The following DENND3 variants were observed in gnomAD, a reference collection of about 807,000 sequenced individuals.
DENND3 encodes DENN domain containing 3, also known as DENN domain-containing protein 3.
In DENND3, 88 loss-of-function variants were observed where a neutral mutation model predicts 135.1. The ratio of observed to expected loss-of-function variants is 0.65; its 90% CI spans 0.55 to 0.78. The LOEUF is 0.78. Ranked by LOEUF, DENND3 falls within the 30% of genes least tolerant of loss-of-function variation. The pLI is 0.00. For synonymous variants in DENND3, 693 were observed against 712.3 expected, an observed-to-expected ratio of 0.97 and a Z score of 0.43; for missense variants, 1,392 against 1,688.4, an observed-to-expected ratio of 0.82 and a Z score of 3.08.
chr8:141,152,545 A>G (rs1439808684), intron 7 of DENND3, among the ~76,000 whole-genome samples: 2 of 152,150 alleles, frequency 1.3e-5, no homozygotes, highest in South Asian at 2.1e-4. Context: ...TCCACGTGGT[A>G]GCATCTCTCA....
Position 141,168,636 on chromosome 8 carries a change from C to A in DENND3, c.2275+111C>A. Reference sequence around the variant, plus strand: ...TCACAGCTCACTGCAACCTCCACCTCCTGGGCTCAAGCAGTCCTCCCACCT... The same window carrying A: ...TCACAGCTCACTGCAACCTCCACCTACTGGGCTCAAGCAGTCCTCCCACCT... On this transcript the variant is annotated intron_variant, in intron 13 of 22. Transcript: ENST00000519811. This position sits in a 1 kb window ranked among gnomAD's most constrained non-coding sequence, Gnocchi z 6.2. 1 of 1,371,332 alleles carries A rather than the reference C, an allele frequency of 7.3e-7. No individual in the cohort carries two copies. Among genetic ancestry groups the A allele is most frequent in the Non-Finnish European group, 9.8e-7 (1 of 1,023,596 alleles). 84.9% of individuals were successfully genotyped at this position (1,371,332 alleles called of 1,614,324 possible). A position where few individuals can be genotyped will look rare whatever the true frequency, so the allele number is the denominator to read the frequency against.
intron 5 of DENND3, among the ~76,000 whole-genome samples, chr8:141,148,793 T>C (rs1382113239): frequency 6.6e-6 from 1 of 152,218 alleles, no homozygotes; most frequent in Non-Finnish European, 1.5e-5. Flanking sequence ...ATTTGTTTTT[T>C]GAAATATTGA....
At position 141,160,715 on chromosome 8, in the gene DENND3, G is replaced by A. The variant is rs767758201; in HGVS notation, c.1280G>A (p.Arg427Gln). The A allele has an allele frequency of 1.1e-5, 18 of 1,613,092 alleles. No individual in the cohort carries two copies. The highest frequency in any genetic ancestry group is 1.7e-4 in the Middle Eastern group (1 of 6,042). The change falls in exon 9 of 23, where the codon CGG (arginine) becomes CAG (glutamine). Residue 427 changes from arginine to glutamine, a missense_variant. Coordinates refer to ENST00000519811, the MANE Select transcript of DENND3 (RefSeq NM_001352890.3). ...STDLKEGRAH[R>Q]RSWQQKLNCQ... ...GACCTGAAGGAGGGCCGAGCCCACCGGCGGTCCTGGCAGCAGAAACTCAAC... is the reference window on the plus strand; with the variant it reads ...GACCTGAAGGAGGGCCGAGCCCACCAGCGGTCCTGGCAGCAGAAACTCAAC...
intron 15 of DENND3, 32 bp from the exon 16 acceptor site, chr8:141,178,035 G>T: frequency 6.3e-7 from 1 of 1,581,798 alleles, no homozygotes. Context: ...AGTGATTCTT[G>T]CTGTTTTGAA....
intron 5 of DENND3, among the ~76,000 whole-genome samples, chr8:141,145,868 A>G (rs1303624037): frequency 1.1e-5 from 1 of 87,662 alleles, no homozygotes; most frequent in African/African-American, 4.4e-5. Flanking sequence ...TTTTTTTTTG[A>G]GGCGGAGTCT....
chr8:141,157,988 G>A (rs933446718), intron 8 of DENND3: 2 of 1,103,630 alleles, frequency 1.8e-6, no homozygotes, highest in African/African-American at 3.3e-5. Context: ...TCGAACTCCT[G>A]ACCTCAGGTG....
intron 10 of DENND3, among the ~76,000 whole-genome samples, chr8:141,164,599 C>T (rs554575519): frequency 6.6e-6 from 1 of 152,342 alleles, no homozygotes; most frequent in East Asian, 1.9e-4. Flanking sequence ...TTGCTTACAG[C>T]TTCCCAGTCG....
At chr8:141,190,204 G>T in intron 19 of DENND3, 80 bp from the exon 20 acceptor site, 2 of 1,435,052 alleles carry the variant, frequency 1.4e-6, no homozygotes, top group East Asian at 2.6e-5. Flanking sequence ...ATGGCGACTT[G>T]GTTCTCTCTT....
chr8:141,172,237 G>C (rs1821711180), intron 13 of DENND3, among the ~76,000 whole-genome samples: 3 of 151,832 alleles, frequency 2.0e-5, no homozygotes, highest in Admixed American at 2.0e-4. Flanking sequence ...GGTGTGCACA[G>C]TGTCTGTGGG....
At chr8:141,161,835 CTG>C (rs1206376202) in intron 9 of DENND3, among the ~76,000 whole-genome samples, 1 of 141,560 alleles carries the variant, frequency 7.1e-6, no homozygotes, top group Non-Finnish European at 1.5e-5. Context: ...GAGTCTCACT[CTG>C]TCACCCAGCC....
At chr8:141,177,622 C>T (rs1822559474) in intron 15 of DENND3, 1 of 153,242 alleles carries the variant, frequency 6.5e-6, no homozygotes, top group African/African-American at 2.4e-5. Context: ...TTAGACTAGC[C>T]ATCTGATGCT....
intron 13 of DENND3, among the ~76,000 whole-genome samples, chr8:141,170,766 T>A (rs192085142): frequency 3.3e-5 from 5 of 152,324 alleles, no homozygotes; most frequent in African/African-American, 1.2e-4. Context: ...GTCTCTCACA[T>A]GACAGGAGTC....
rs923741540 is a variant in DENND3 at position 141,141,394 on chromosome 8, G to A, written c.623+70G>A. The A allele has an allele frequency of 6.4e-6, 10 of 1,562,504 alleles. No homozygotes were observed. The highest frequency in any genetic ancestry group is 1.7e-5 in the Admixed American group (1 of 58,624). The stretch of plus-strand genomic sequence containing the variant: ...TTGTGCCTCTCCAGGTGAGCCAAGG[G>A]ACCAGGGGGCTGGAGGTGGTGGGGG... On this transcript the variant is annotated intron_variant, in intron 4 of 22. Coordinates refer to ENST00000519811, the MANE Select transcript of DENND3 (RefSeq NM_001352890.3). The surrounding 1 kb of genome is among the most constrained non-coding windows in gnomAD (Gnocchi z 5.3).
rs145447995 is a variant in DENND3, at chr8:141,163,414, T to C, written c.1434T>C (p.His478=). 221 of 1,611,810 alleles carry C rather than the reference T, an allele frequency of 1.4e-4. No individual in the cohort carries two copies. In the African/African-American group the frequency reaches 2.6e-3, roughly 19 times the overall value. ...TCAAAACCAGGGCTCCAGGGGACCA[T>C]CAGTTTTATAAGCAGGTGAGAGCTG... is the stretch of plus-strand genomic sequence containing the variant. ...EFLKTRAPGD[H]QFYKQVLDTY... The change falls in exon 10 of 23, where the codon CAT becomes CAC. Residue 478 remains histidine (H), a synonymous_variant. Transcript: ENST00000519811.
chr8:141,130,102 G>A lies in DENND3; in HGVS notation c.102+1293G>A, dbSNP rs998334134. The A allele has an allele frequency of 6.6e-6, 1 of 152,192 alleles. No homozygotes were observed. Among genetic ancestry groups the A allele is most frequent in the Non-Finnish European group, 1.5e-5 (1 of 68,036 alleles). The allele number at this position is 152,192 out of a possible 1,614,324, so 9.4% of individuals were successfully genotyped here. A position where few individuals can be genotyped will look rare whatever the true frequency, so the allele number is the denominator to read the frequency against. The stretch of plus-strand genomic sequence containing the variant: ...AGTTGCCGCTGTGGTCTCCTCAGCC[G>A]TTGAACGTCTTTCCTCTGGGGCAGT... On this transcript the variant is annotated intron_variant, in intron 1 of 22. Coordinates refer to ENST00000519811, the MANE Select transcript of DENND3 (RefSeq NM_001352890.3). This position sits in a 1 kb window ranked among gnomAD's most constrained non-coding sequence, Gnocchi z 4.2.
intron 16 of DENND3, 51 bp downstream of exon 16, chr8:141,178,247 A>C: frequency 6.4e-7 from 1 of 1,572,482 alleles, no homozygotes; most frequent in Non-Finnish European, 8.7e-7. Flanking sequence ...TACACGCCTT[A>C]AGTGATTTTA....
Position 141,165,287 on chromosome 8 carries a change from C to G in DENND3, c.1551C>G (p.Asp517Glu), listed in dbSNP as rs1213706083. The G allele has an allele frequency of 6.2e-7, 1 of 1,613,286 alleles. No individual in the cohort carries two copies. Among genetic ancestry groups the G allele is most frequent in the Non-Finnish European group, 8.5e-7 (1 of 1,179,188 alleles). ...ACCTCGACACCCAGTCGGAGGAGGA[C>G]AGGTGCTTCACTGTTGTGTTTTGGA... ...QMDLDTQSEE[D>E]RINGMLLSPR... Residue 517 changes from aspartate (D) to glutamate (E), a missense_variant and splice_region_variant, in exon 11 of 23, where the codon GAC (aspartate) becomes GAG (glutamate). Coordinates refer to ENST00000519811, the MANE Select transcript of DENND3 (RefSeq NM_001352890.3).
At chr8:141,159,188 G>A (rs142713428) in intron 8 of DENND3, among the ~76,000 whole-genome samples, 150 of 152,298 alleles carry the variant, frequency 9.8e-4, no homozygotes, top group African/African-American at 2.9e-3. Context: ...CTGGCACCGC[G>A]TGCCTGCCTG....
intron 8 of DENND3, chr8:141,157,483 G>A (rs553592065): frequency 4.2e-5 from 41 of 985,732 alleles, no homozygotes; most frequent in African/African-American, 1.6e-4. Flanking sequence ...GAGTGCGGTC[G>A]TGGAGGTGAC....
Sources: allele counts gnomAD v4.1 joint callset (sites outside exome capture counted in the v4.1 genomes callset), GRCh38; gene constraint gnomAD v4.1.1; non-coding constraint Gnocchi (gnomAD v3.1); transcripts MANE v1.5; gene names NCBI Gene and HGNC (gene_info 2026-07-23, HGNC 2026-07-21).